KLHL32: variants seen among roughly 807,000 people sequenced by gnomAD.
The protein encoded by KLHL32 is kelch like family member 32.
A neutral mutation model predicts 64.8 loss-of-function variants in KLHL32; 35 were observed. That is an observed-to-expected ratio of 0.54 (90% confidence interval 0.41 to 0.72). The LOEUF (loss-of-function observed/expected upper bound fraction) is 0.72, where lower values mean the gene tolerates loss of function less well. KLHL32 is among the 30% of genes least tolerant of loss of function. KLHL32 has a pLI of 0.00. For synonymous variants in KLHL32, 259 were observed against 281.0 expected (o/e 0.92, Z 0.78); for missense variants, 589 against 768.5 (o/e 0.77, Z 2.76).
intron 1 of KLHL32, among the ~76,000 whole-genome samples, chr6:96,937,448 T>C (rs1047553265): frequency 8.5e-5 from 13 of 152,166 alleles, no homozygotes; most frequent in African/African-American, 3.1e-4. Flanking sequence ...CATGGGGAAA[T>C]TGGACAGAAA....
intron 4 of KLHL32, among the ~76,000 whole-genome samples, chr6:97,044,763 C>T (rs1465931307): frequency 3.3e-5 from 5 of 151,952 alleles, no homozygotes; most frequent in African/African-American, 1.2e-4. Flanking sequence ...TCTAGGACTT[C>T]ATCCATTTCT....
intron 3 of KLHL32, among the ~76,000 whole-genome samples, chr6:96,989,424 C>T: frequency 6.6e-6 from 1 of 152,010 alleles, no homozygotes; most frequent in Non-Finnish European, 1.5e-5. Context: ...GAATATAGGC[C>T]CCAATCTCTT....
chr6:96,924,590 A>G (rs1367945307), upstream of KLHL32: 2 of 148,164 alleles, frequency 1.3e-5, no homozygotes, highest in African/African-American at 5.1e-5. Flanking sequence ...CGCGCGGGCT[A>G]GCTGGAGGCG....
rs986459410 is a variant in KLHL32 at position 97,041,598 on chromosome 6, A to G, written c.311A>G (p.Gln104Arg). The change falls in exon 4 of 11, where the codon CAG becomes CGG. Residue 104 changes from glutamine to arginine, a missense_variant and splice_region_variant. Coordinates refer to ENST00000369261, the MANE Select transcript of KLHL32 (RefSeq NM_052904.4). ...KQALEFAYTG[Q>R]ILLEPGVIQD... ...GCTCTGGAGTTTGCATACACAGGAC[A>G]GGTATGGTATTAAATGTGATCTGTA... 11 of 1,584,636 alleles carry G rather than the reference A, an allele frequency of 6.9e-6. No individual in the cohort carries two copies. The highest frequency in any genetic ancestry group is 1.7e-5 in the Admixed American group (1 of 59,954).
At chr6:97,053,794 T>C (rs1191205758) in intron 4 of KLHL32, among the ~76,000 whole-genome samples, 1 of 151,806 alleles carries the variant, frequency 6.6e-6, no homozygotes, top group East Asian at 1.9e-4. Flanking sequence ...TATTGTGTAC[T>C]ATGCCTTTTA....
chr6:97,072,638 C>T (rs1389260969), intron 5 of KLHL32, among the ~76,000 whole-genome samples: 1 of 151,696 alleles, frequency 6.6e-6, no homozygotes, highest in East Asian at 1.9e-4. Context: ...GTGCATTTCC[C>T]TGTACCTAAT....
chr6:96,913,350 T>A, the KLHL32 span, among the ~76,000 whole-genome samples: 2 of 152,192 alleles, frequency 1.3e-5, no homozygotes, highest in Admixed American at 1.3e-4. Flanking sequence ...AATCACTGTC[T>A]TTGAAACGTA....
At chr6:97,094,235 A>G (rs1409745574) in intron 6 of KLHL32, among the ~76,000 whole-genome samples, 1 of 152,176 alleles carries the variant, frequency 6.6e-6, no homozygotes, top group African/African-American at 2.4e-5. Context: ...GTGTCAGACC[A>G]TAGAGATTTG....
At chr6:97,093,429 C>T in intron 6 of KLHL32, among the ~76,000 whole-genome samples, 1 of 152,182 alleles carries the variant, frequency 6.6e-6, no homozygotes, top group Non-Finnish European at 1.5e-5. Flanking sequence ...ATAGTTGACT[C>T]ACTTCACAGT....
At chr6:96,989,318 G>A (rs1777557833) in intron 3 of KLHL32, among the ~76,000 whole-genome samples, 1 of 152,136 alleles carries the variant, frequency 6.6e-6, no homozygotes. Flanking sequence ...CTTAGCATTT[G>A]CTTGTCTGAA....
chr6:97,042,395 G>C (rs1188913183), intron 4 of KLHL32, among the ~76,000 whole-genome samples: 4 of 152,162 alleles, frequency 2.6e-5, no homozygotes, highest in African/African-American at 9.7e-5. Flanking sequence ...ATGTGGTCAG[G>C]TGTGGCTATC....
At chr6:97,052,640 C>T (rs1196002282) in intron 4 of KLHL32, among the ~76,000 whole-genome samples, 1 of 152,106 alleles carries the variant, frequency 6.6e-6, no homozygotes. Flanking sequence ...AGCCACTGCC[C>T]AATAAAGGCC....
At chr6:97,040,473 C>G (rs1784948442) in intron 3 of KLHL32, among the ~76,000 whole-genome samples, 1 of 152,114 alleles carries the variant, frequency 6.6e-6, no homozygotes, top group Non-Finnish European at 1.5e-5. Context: ...TTCTCAAATT[C>G]AAGTGGGCAT....
At chr6:96,931,654 T>C (rs73492846) in intron 1 of KLHL32, among the ~76,000 whole-genome samples, 19 of 152,336 alleles carry the variant, frequency 1.2e-4, no homozygotes, top group African/African-American at 4.6e-4. Flanking sequence ...TTACTTGAGA[T>C]ACCTAAAATA....
Position 96,996,536 on chromosome 6 carries a change from A to G in KLHL32, c.204+20359A>G, listed in dbSNP as rs1778437439. ...AATTCAATAAATAAGTATTTGTTACATACCTACCATTTTCTAGACACTGAA... is the reference window on the plus strand; with the variant it reads ...AATTCAATAAATAAGTATTTGTTACGTACCTACCATTTTCTAGACACTGAA... On this transcript the variant is annotated intron_variant, in intron 3 of 10. Coordinates refer to ENST00000369261, the MANE Select transcript of KLHL32 (RefSeq NM_052904.4). Among the ~76,000 whole-genome samples the G allele has an allele frequency of 2.0e-5, 3 of 152,218 alleles. No homozygotes were observed. The South Asian group carries it at 6.2e-4, about 32-fold the overall frequency.
At chr6:96,952,296 G>A (rs558820644) in intron 1 of KLHL32, among the ~76,000 whole-genome samples, 1 of 152,292 alleles carries the variant, frequency 6.6e-6, no homozygotes, top group African/African-American at 2.4e-5. Context: ...AATATTAGAA[G>A]TGTTTTGGGC....
At position 96,924,950 on chromosome 6, in the gene KLHL32, C is replaced by T. The variant is rs1423951625; in HGVS notation, c.-142C>T. The T allele has an allele frequency of 6.6e-6, 1 of 152,274 alleles. No homozygotes were observed. Among genetic ancestry groups the T allele is most frequent in the African/African-American group, 2.4e-5 (1 of 41,470 alleles). The allele number at this position is 152,274 out of a possible 1,614,324, so 9.4% of individuals were successfully genotyped here. ...TCAGCATCGTGGGGCGAAGCAGAGC[C>T]ATTGTGCATCAAGGAGAGGCCGGTG... On this transcript the variant is annotated 5_prime_UTR_variant, in exon 1 of 11. Coordinates refer to ENST00000369261, the MANE Select transcript of KLHL32 (RefSeq NM_052904.4).
At chr6:96,986,902 C>G (rs1393903530) in intron 3 of KLHL32, among the ~76,000 whole-genome samples, 1 of 152,172 alleles carries the variant, frequency 6.6e-6, no homozygotes, top group African/African-American at 2.4e-5. Context: ...CTGACACTCC[C>G]CAGTGAGATG....
chr6:97,134,291 C>T (rs1582287157), intron 10 of KLHL32, among the ~76,000 whole-genome samples: 2 of 152,174 alleles, frequency 1.3e-5, no homozygotes, highest in Admixed American at 1.3e-4. Context: ...CATGAAGAGC[C>T]ACATAAGACT....
Sources: gnomAD v4.1 joint callset for allele counts (sites outside exome capture counted in the v4.1 genomes callset) on GRCh38, gnomAD v4.1.1 for gene constraint, MANE v1.5 for transcripts, NCBI Gene and HGNC (gene_info 2026-07-23, HGNC 2026-07-21) for gene names.